The following ZNF680 variants were observed in gnomAD, a reference collection of about 807,000 sequenced individuals.
ZNF680 encodes the protein zinc finger protein 680, also known as hypothetical protein FLJ90430.
Under a neutral mutation model 12.1 loss-of-function variants are expected in ZNF680, and 6 were observed. The observed-to-expected ratio is 0.49, with a 90% CI of 0.27 to 0.98. The LOEUF (loss-of-function observed/expected upper bound fraction) is 0.98. ZNF680 is among the 50% of genes least tolerant of loss of function. ZNF680 has a pLI of 0.12. For missense variants in ZNF680, 561 were observed against 616.3 expected, an observed-to-expected ratio of 0.91 and a Z score of 0.95; for synonymous variants, 170 against 199.3, an observed-to-expected ratio of 0.85 and a Z score of 1.24.
At chr7:64,501,232 A>G in the ZNF680 span, 4 of 870,028 alleles carry the variant, frequency 4.6e-6, no homozygotes, top group East Asian at 9.9e-5. Context: ...AAGGATGTAC[A>G]GTTGCCCAGC....
the ZNF680 span, among the ~76,000 whole-genome samples, chr7:64,502,996 G>A: frequency 6.6e-6 from 1 of 151,940 alleles, no homozygotes; most frequent in Non-Finnish European, 1.5e-5. Context: ...AGTGTCAGGT[G>A]CCAGATTCCA....
chr7:64,552,667 G>A (rs565870493), intron 1 of ZNF680, among the ~76,000 whole-genome samples: 21 of 152,038 alleles, frequency 1.4e-4, no homozygotes, highest in South Asian at 2.1e-4. Context: ...TAATGTACTC[G>A]TCATAATGTA....
At chr7:64,547,512 GA>G (rs1786848174) in intron 1 of ZNF680, among the ~76,000 whole-genome samples, 1 of 152,194 alleles carries the variant, frequency 6.6e-6, no homozygotes, top group Non-Finnish European at 1.5e-5. Context: ...ATTGTGCTGG[GA>G]AAAATACATT....
At position 64,553,998 on chromosome 7, in the gene ZNF680, G is replaced by A. The variant is rs1329878613; in HGVS notation, c.30+8927C>T. Among the ~76,000 whole-genome samples, 6 of 152,132 alleles carry A rather than the reference G, an allele frequency of 3.9e-5. 1 individual carries two copies. In the South Asian group the frequency reaches 8.3e-4, roughly 21 times the overall value. On this transcript the variant is annotated intron_variant, in intron 1 of 3. Transcript: ENST00000309683. Reference sequence around the variant, plus strand: ...AGTGCCGAGATTGCAGCCTCTGCCCGGCCGCCACCCCGTCTAGGAAGTGAG... The same window carrying A: ...AGTGCCGAGATTGCAGCCTCTGCCCAGCCGCCACCCCGTCTAGGAAGTGAG...
At chr7:64,543,461 A>G (rs1163318769) in intron 3 of ZNF680, among the ~76,000 whole-genome samples, 1 of 152,232 alleles carries the variant, frequency 6.6e-6, no homozygotes, top group Non-Finnish European at 1.5e-5. Flanking sequence ...TATAAGCCAT[A>G]AAGAGGACTT....
At chr7:64,523,657 T>C (rs2116372510) in intron 3 of ZNF680, among the ~76,000 whole-genome samples, 1 of 152,270 alleles carries the variant, frequency 6.6e-6, no homozygotes, top group Non-Finnish European at 1.5e-5. Flanking sequence ...CTCACACCTA[T>C]AATCCCAGCA....
intron 3 of ZNF680, among the ~76,000 whole-genome samples, chr7:64,536,525 G>A (rs1002831766): frequency 5.3e-5 from 8 of 152,116 alleles, no homozygotes; most frequent in South Asian, 2.1e-4. Flanking sequence ...TGATTACCAC[G>A]AGGATGGCGT....
Position 64,522,067 on chromosome 7 carries a change from C to T in ZNF680, c.687G>A (p.Lys229=). The T allele has an allele frequency of 6.2e-7, 1 of 1,612,724 alleles. No homozygotes were observed. The highest frequency in any genetic ancestry group is 8.5e-7 in the Non-Finnish European group (1 of 1,179,440). Residue 229 remains lysine, a synonymous_variant, in exon 4 of 4, where the codon AAG becomes AAA. Transcript: ENST00000309683. Reference sequence around the variant, plus strand: ...AGGGTTTCTCTCCCATATGAATTCCCTTATGTTTAATAAGCTCTGAGAACC... The same window carrying T: ...AGGGTTTCTCTCCCATATGAATTCCTTTATGTTTAATAAGCTCTGAGAACC... ...LNWFSELIKH[K]GIHMGEKPYK...
intron 3 of ZNF680, among the ~76,000 whole-genome samples, chr7:64,528,355 A>G (rs942306171): frequency 8.5e-5 from 13 of 152,200 alleles, no homozygotes; most frequent in Non-Finnish European, 1.6e-4. Flanking sequence ...CAGACTCCAC[A>G]GGTCACAGGT....
At chr7:64,536,793 G>A (rs1166193344) in intron 3 of ZNF680, among the ~76,000 whole-genome samples, 2 of 152,188 alleles carry the variant, frequency 1.3e-5, no homozygotes, top group Non-Finnish European at 2.9e-5. Context: ...TAACAACTGG[G>A]TGCAGTGGCT....
At chr7:64,528,963 A>C (rs1025905678) in intron 3 of ZNF680, among the ~76,000 whole-genome samples, 11 of 152,144 alleles carry the variant, frequency 7.2e-5, no homozygotes, top group African/African-American at 2.7e-4. Context: ...GCTGGTATCC[A>C]CAGCTGAGAA....
At chr7:64,551,223 T>C (rs954035014) in intron 1 of ZNF680, among the ~76,000 whole-genome samples, 3 of 152,214 alleles carry the variant, frequency 2.0e-5, no homozygotes, top group African/African-American at 7.2e-5. Flanking sequence ...TTGTGCAATA[T>C]AAAACCAGGT....
chr7:64,525,191 T>TA (rs1306855022), intron 3 of ZNF680: 1 of 152,044 alleles, frequency 6.6e-6, no homozygotes, highest in Non-Finnish European at 1.5e-5. Flanking sequence ...AGTACAAAGG[T>TA]AAAAACGTAC....
At chr7:64,512,295 A>C in the ZNF680 span, among the ~76,000 whole-genome samples, 1 of 151,386 alleles carries the variant, frequency 6.6e-6, no homozygotes, top group Non-Finnish European at 1.5e-5. Context: ...TAAAAAAAAA[A>C]TACAAAAATT....
intron 3 of ZNF680, among the ~76,000 whole-genome samples, chr7:64,528,294 GCCT>G (rs1446149732): frequency 1.3e-5 from 2 of 152,166 alleles, no homozygotes; most frequent in African/African-American, 4.8e-5. Context: ...CAGCTGAGAA[GCCT>G]CCGGGCCAGA....
the ZNF680 span, among the ~76,000 whole-genome samples, chr7:64,508,123 GTATATATATA>G: frequency 2.2e-3 from 256 of 117,666 alleles, 9 homozygotes; most frequent in African/African-American, 0.01. Flanking sequence ...ATTTTAAAAT[GTATATATATA>G]TATATATATA....
the ZNF680 span, among the ~76,000 whole-genome samples, chr7:64,508,147 A>ATAT: frequency 5.9e-5 from 8 of 135,316 alleles, no homozygotes; most frequent in East Asian, 4.5e-4. Flanking sequence ...ATATATACAT[A>ATAT]ATTTTTTTTT....
chr7:64,514,566 TATA>T, the ZNF680 span, among the ~76,000 whole-genome samples: 12 of 152,244 alleles, frequency 7.9e-5, no homozygotes, highest in East Asian at 3.9e-4. Context: ...AAAAAAATTC[TATA>T]ATAATAAAAC....
chr7:64,539,180 A>G (rs1206008861), intron 3 of ZNF680, among the ~76,000 whole-genome samples: 1 of 149,852 alleles, frequency 6.7e-6, no homozygotes, highest in Non-Finnish European at 1.5e-5. Context: ...CCAGATGTTG[A>G]TTTATAAATA....
Sources: allele counts gnomAD v4.1 joint callset (sites outside exome capture counted in the v4.1 genomes callset), GRCh38; gene constraint gnomAD v4.1.1; transcripts MANE v1.5; gene names NCBI Gene and HGNC (gene_info 2026-07-23, HGNC 2026-07-21).